The following NAGPA variants were observed in gnomAD, a reference collection of about 807,000 sequenced individuals.
NAGPA encodes N-acetylglucosamine-1-phosphodiester alpha-N-acetylglucosaminidase, also known as alpha-N-acetylglucosaminyl phosphodiesterase.
A neutral mutation model predicts 48.5 loss-of-function variants in NAGPA; 56 were observed. That is an observed-to-expected ratio of 1.15 (90% confidence interval 0.93 to 1.44). The LOEUF is 1.44. NAGPA is among the 40% of genes most tolerant of loss of function. The pLI is 0.00. For synonymous variants in NAGPA, 399 were observed against 315.5 expected (o/e 1.26, Z -2.81); for missense variants, 888 against 735.0 (o/e 1.21, Z -2.41).
At chr16:5,028,501 C>G (rs1035422796) in intron 5 of NAGPA, 1 of 626,360 alleles carries the variant, frequency 1.6e-6, no homozygotes, top group African/African-American at 1.8e-5. Flanking sequence ...TCCCAAAGCA[C>G]TGGGATTCCA....
intron 9 of NAGPA, among the ~76,000 whole-genome samples, chr16:5,026,278 G>A (rs1159203510): frequency 2.0e-5 from 3 of 150,018 alleles, no homozygotes; most frequent in African/African-American, 4.9e-5. Flanking sequence ...TGGGCGTGGT[G>A]CTCATGCCTG....
intron 3 of NAGPA, 64 bp from the exon 4 acceptor site, chr16:5,030,557 C>A (rs150783384): frequency 0.012 from 15,606 of 1,304,320 alleles, 125 homozygotes; most frequent in Non-Finnish European, 0.014. Flanking sequence ...TTGCCTAACT[C>A]CACTTCCCAC....
At position 5,030,383 on chromosome 16, in the gene NAGPA, A is replaced by G; in HGVS notation, c.791+2T>C. 1 of 1,550,288 alleles carries G rather than the reference A, an allele frequency of 6.5e-7. No individual in the cohort carries two copies. Among genetic ancestry groups the G allele is most frequent in the Non-Finnish European group, 8.7e-7 (1 of 1,146,798 alleles). ...CGGGGGGCCTCAGCTCCCAGGACTC[A>G]CCCACGCTGCTCCGTTTGGCCGTCT... On this transcript the variant is annotated splice_donor_variant, in intron 4 of 9. Transcript: ENST00000312251. LOFTEE classifies it high-confidence loss of function.
In NAGPA at chr16:5,025,415, T is replaced by G. The variant is rs1955977616; in HGVS notation, c.*63A>C. 1.3e-6 allele frequency: 2 copies of G among 1,590,058 alleles called. No homozygotes were observed. The highest frequency in any genetic ancestry group is 8.6e-7 in the Non-Finnish European group (1 of 1,164,794). On this transcript the variant is annotated 3_prime_UTR_variant, in exon 10 of 10. Transcript: ENST00000312251. ...ACGCCAGTGGCCTTGAAATTTCCCC[T>G]GCAGAAGCCAGACCGTGGGGAAACA...
chr16:5,025,603 T>C lies in NAGPA; in HGVS notation c.1423A>G (p.Arg475Gly). The C allele has an allele frequency of 6.2e-7, 1 of 1,613,960 alleles. No individual in the cohort carries two copies. Among genetic ancestry groups the C allele is most frequent in the Non-Finnish European group, 8.5e-7 (1 of 1,180,016 alleles). The change falls in exon 10 of 10, where the codon AGA (arginine) becomes GGA (glycine). Residue 475 changes from arginine (R) to glycine (G), a missense_variant. Transcript: ENST00000312251. The part of the protein sequence containing the change: ...TAANLSLLLS[R>G]AERNRRLHGD... ...TGCAGGCGCCGGTTCCTCTCTGCTC[T>C]GGACAGGAGCAAGGACAGGTTTGCT... is the stretch of plus-strand genomic sequence containing the variant.
chr16:5,029,030 C>T (rs760666191), intron 4 of NAGPA, 22 bp from the exon 5 acceptor site: 68 of 1,611,250 alleles, frequency 4.2e-5, no homozygotes, highest in Non-Finnish European at 5.6e-5. Context: ...AGCGGCGCTG[C>T]TCAGGCTCAG....
chr16:5,025,292 T>G lies in NAGPA; in HGVS notation c.*186A>C. The G allele has an allele frequency of 1.4e-6, 1 of 693,600 alleles. No homozygotes were observed. 43.0% of individuals were successfully genotyped at this position (693,600 alleles called of 1,614,324 possible). ...TCCAGCGAGCATGGTATTGCTAGGG[T>G]TGCAGGTGCCCTGGCAGGTGGCCAG... On this transcript the variant is annotated 3_prime_UTR_variant, in exon 10 of 10. Transcript: ENST00000312251.
rs142528065 is a variant in NAGPA, at chr16:5,033,245, G to A, written c.542+28C>T. 5 of 1,570,352 alleles carry A rather than the reference G, an allele frequency of 3.2e-6. No individual in the cohort carries two copies. In the East Asian group the frequency reaches 9.3e-5, roughly 29 times the overall value. On this transcript the variant is annotated intron_variant, in intron 2 of 9. Transcript: ENST00000312251. The surrounding 1 kb of genome is among the most constrained non-coding windows in gnomAD (Gnocchi z 4.2). ...CCCAAATCTCAGGCCCTCTGCCCTCGACAGCACGGGGCTCCCTGCCTCCTC... is the reference window on the plus strand; with the variant it reads ...CCCAAATCTCAGGCCCTCTGCCCTCAACAGCACGGGGCTCCCTGCCTCCTC...
Position 5,028,101 on chromosome 16 carries a change from GTGGCAGTCAGGCGGC to G in NAGPA, c.990_1004del (p.Gln330_Cys334del). On this transcript the variant is annotated inframe_deletion, in exon 6 of 10. Coordinates refer to ENST00000312251, the MANE Select transcript of NAGPA (RefSeq NM_016256.4). Reference sequence around the variant, plus strand: ...GCCCGTCCACGCAGGTCCCGTGGCCGTGGCAGTCAGGCGGCTGGCAGCGGGGTTCGTGCACACACA... The same window carrying G: ...GCCCGTCCACGCAGGTCCCGTGGCCGTGGCAGCGGGGTTCGTGCACACACA... 1 of 1,612,228 alleles carries G rather than the reference GTGGCAGTCAGGCGGC, an allele frequency of 6.2e-7. No homozygotes were observed. The highest frequency in any genetic ancestry group is 1.1e-5 in the South Asian group (1 of 90,748).
Position 5,033,288 on chromosome 16 carries a change from C to T in NAGPA, c.527G>A (p.Gly176Glu), listed in dbSNP as rs1956137135. ...QNAQFGIRRDGTLVTGYLSEE... is the reference protein window; with the variant it reads ...QNAQFGIRRDETLVTGYLSEE... ...GCCTCCTCACCCGGTGACCAGGGTC[C>T]CGTCGCGGCGGATCCCGAACTGCGC... The change falls in exon 2 of 10, where the codon GGG becomes GAG. Residue 176 changes from glycine (G) to glutamate (E), a missense_variant. Coordinates refer to ENST00000312251, the MANE Select transcript of NAGPA (RefSeq NM_016256.4). The surrounding 1 kb of genome is among the most constrained non-coding windows in gnomAD (Gnocchi z 4.2). The T allele has an allele frequency of 6.3e-7, 1 of 1,595,000 alleles. No homozygotes were observed. The highest frequency in any genetic ancestry group is 8.5e-7 in the Non-Finnish European group (1 of 1,178,644).
At chr16:5,030,131 T>G in intron 4 of NAGPA, 1 of 572,660 alleles carries the variant, frequency 1.7e-6, no homozygotes, top group East Asian at 3.0e-5. Context: ...CCTGCTCACT[T>G]TGTGACCATT....
rs987344240 is a variant in NAGPA, at chr16:5,024,977, G to A, written c.*501C>T. ...TCATCCCCCCATCCCTTCTTCCAAG[G>A]AGCTTCCTATGACAGGAAATCGAAT... On this transcript the variant is annotated 3_prime_UTR_variant, in exon 10 of 10. Coordinates refer to ENST00000312251, the MANE Select transcript of NAGPA (RefSeq NM_016256.4). 3 of 162,754 alleles carry A rather than the reference G, an allele frequency of 1.8e-5. No individual in the cohort carries two copies. The highest frequency in any genetic ancestry group is 4.1e-5 in the Non-Finnish European group (3 of 73,218). The allele number at this position is 162,754 out of a possible 1,614,324, so 10.1% of individuals were successfully genotyped here.
In NAGPA at chr16:5,033,128, C is replaced by G. The variant is rs1048400401; in HGVS notation, c.542+145G>C. On this transcript the variant is annotated intron_variant, in intron 2 of 9. Coordinates refer to ENST00000312251, the MANE Select transcript of NAGPA (RefSeq NM_016256.4). This position sits in a 1 kb window ranked among gnomAD's most constrained non-coding sequence, Gnocchi z 4.2. ...AATGATACTGGATGATGAATAAACT[C>G]TGCAAGGAAGCGATTCCTATCCCCA... 3 of 965,608 alleles carry G rather than the reference C, an allele frequency of 3.1e-6. No individual in the cohort carries two copies. Among genetic ancestry groups the G allele is most frequent in the Non-Finnish European group, 3.1e-6 (2 of 643,086 alleles). 59.8% of individuals were successfully genotyped at this position (965,608 alleles called of 1,614,324 possible).
In NAGPA at chr16:5,033,118, T is replaced by C. The variant is rs1176982394; in HGVS notation, c.542+155A>G. On this transcript the variant is annotated intron_variant, in intron 2 of 9. Coordinates refer to ENST00000312251, the MANE Select transcript of NAGPA (RefSeq NM_016256.4). This position sits in a 1 kb window ranked among gnomAD's most constrained non-coding sequence, Gnocchi z 4.2. The stretch of plus-strand genomic sequence containing the variant: ...GCAAGTGCTCAATGATACTGGATGA[T>C]GAATAAACTCTGCAAGGAAGCGATT... 2 of 872,102 alleles carry C rather than the reference T, an allele frequency of 2.3e-6. No individual in the cohort carries two copies. The highest frequency in any genetic ancestry group is 3.6e-6 in the Non-Finnish European group (2 of 562,336). The allele number at this position is 872,102 out of a possible 1,614,324, so 54.0% of individuals were successfully genotyped here. A position where few individuals can be genotyped will look rare whatever the true frequency, so the allele number is the denominator to read the frequency against.
intron 9 of NAGPA, among the ~76,000 whole-genome samples, chr16:5,026,917 G>A (rs930056145): frequency 6.6e-6 from 1 of 152,188 alleles, no homozygotes; most frequent in Non-Finnish European, 1.5e-5. Context: ...TGCATTCTGA[G>A]CTCCAGTGGG....
At chr16:5,028,856 C>A (rs12929283) in intron 5 of NAGPA, 24 bp downstream of exon 5, 3 of 1,613,754 alleles carry the variant, frequency 1.9e-6, no homozygotes, top group Admixed American at 1.7e-5. Flanking sequence ...TCAGCCCTCA[C>A]GAAGGCGGCT....
chr16:5,030,317 T>A, intron 4 of NAGPA, 68 bp downstream of exon 4: 14 of 1,408,772 alleles, frequency 9.9e-6, no homozygotes, highest in Non-Finnish European at 1.4e-5. Flanking sequence ...AGGGTGGCTG[T>A]CATTGGGTCA....
At chr16:5,030,268 C>T in intron 4 of NAGPA, 117 bp downstream of exon 4, 1 of 923,338 alleles carries the variant, frequency 1.1e-6, no homozygotes, top group Non-Finnish European at 1.7e-6. Flanking sequence ...GGAGGGGGGA[C>T]AGATAGGTGT....
At position 5,033,269 on chromosome 16, in the gene NAGPA, T is replaced by A; in HGVS notation, c.542+4A>T. ...CGACAGCACGGGGCTCCCTGCCTCC[T>A]CACCCGGTGACCAGGGTCCCGTCGC... On this transcript the variant is annotated splice_donor_region_variant and intron_variant, in intron 2 of 9. Coordinates refer to ENST00000312251, the MANE Select transcript of NAGPA (RefSeq NM_016256.4). The surrounding 1 kb of genome is among the most constrained non-coding windows in gnomAD (Gnocchi z 4.2). 1 of 1,590,326 alleles carries A rather than the reference T, an allele frequency of 6.3e-7. No homozygotes were observed. Among genetic ancestry groups the A allele is most frequent in the Non-Finnish European group, 8.5e-7 (1 of 1,176,764 alleles).
Sources: gnomAD v4.1 joint callset for allele counts (sites outside exome capture counted in the v4.1 genomes callset) on GRCh38, gnomAD v4.1.1 for gene constraint, Gnocchi (gnomAD v3.1) non-coding constraint, MANE v1.5 for transcripts, NCBI Gene and HGNC (gene_info 2026-07-23, HGNC 2026-07-21) for gene names.